The following TRPC4 variants were observed in gnomAD, a reference collection of about 807,000 sequenced individuals.
The protein encoded by TRPC4 is short transient receptor potential channel 4.
A neutral mutation model predicts 99.4 loss-of-function variants in TRPC4; 49 were observed. The ratio of observed to expected loss-of-function variants is 0.49; its 90% CI spans 0.39 to 0.63. The LOEUF is 0.63. TRPC4 is among the 20% of genes least tolerant of loss of function. The pLI is 0.00. For missense variants in TRPC4, 898 were observed against 1,152.9 expected, an observed-to-expected ratio of 0.78 and a Z score of 3.20; for synonymous variants, 454 against 425.9, an observed-to-expected ratio of 1.07 and a Z score of -0.81.
intron 1 of TRPC4, among the ~76,000 whole-genome samples, chr13:37,849,409 A>G (rs1958997738): frequency 6.6e-6 from 1 of 152,054 alleles, no homozygotes; most frequent in Non-Finnish European, 1.5e-5. Context: ...CATGCAATAA[A>G]CTCCTTCCCA....
At chr13:37,849,675 A>G (rs138426547) in intron 1 of TRPC4, among the ~76,000 whole-genome samples, 3 of 152,308 alleles carry the variant, frequency 2.0e-5, no homozygotes, top group African/African-American at 7.2e-5. Flanking sequence ...GGATTGTGGA[A>G]AACAAAAACA....
chr13:37,792,401 T>G (rs2139393277), intron 1 of TRPC4, among the ~76,000 whole-genome samples: 1 of 152,268 alleles, frequency 6.6e-6, no homozygotes, highest in East Asian at 1.9e-4. Context: ...AGGAATATAT[T>G]TAGATGTATA....
At chr13:37,745,419 T>C (rs1490134752) in intron 3 of TRPC4, among the ~76,000 whole-genome samples, 2 of 143,060 alleles carry the variant, frequency 1.4e-5, no homozygotes, top group Non-Finnish European at 1.5e-5. Flanking sequence ...AGGCTGATTA[T>C]TTATATATAT....
chr13:37,676,036 C>T (rs900827616), intron 4 of TRPC4, among the ~76,000 whole-genome samples: 20 of 152,248 alleles, frequency 1.3e-4, no homozygotes, highest in African/African-American at 4.8e-4. Context: ...CCAAACCCAA[C>T]TCAGCTCCTG....
chr13:37,850,035 T>A (rs1959014673), intron 1 of TRPC4, among the ~76,000 whole-genome samples: 1 of 152,226 alleles, frequency 6.6e-6, no homozygotes, highest in Non-Finnish European at 1.5e-5. Context: ...AATGATATCT[T>A]AAAATCATGT....
chr13:37,686,877 G>T (rs921557133), intron 4 of TRPC4, among the ~76,000 whole-genome samples: 3 of 152,044 alleles, frequency 2.0e-5, no homozygotes, highest in Non-Finnish European at 2.9e-5. Context: ...ATGTCACGTC[G>T]CTTCAGCAGC....
At chr13:37,819,611 G>T (rs923446198) in intron 1 of TRPC4, among the ~76,000 whole-genome samples, 2 of 151,920 alleles carry the variant, frequency 1.3e-5, no homozygotes, top group Admixed American at 1.3e-4. Flanking sequence ...ATAAGTGGGA[G>T]CCAAATGATA....
intron 1 of TRPC4, among the ~76,000 whole-genome samples, chr13:37,812,181 A>AAAAAAAAAAACAAAC (rs1566188830): frequency 2.7e-5 from 4 of 145,598 alleles, no homozygotes; most frequent in African/African-American, 1.0e-4. Context: ...TCTATCAAAA[A>AAAAAAAAAAACAAAC]AAAAAAAAAA....
intron 1 of TRPC4, among the ~76,000 whole-genome samples, chr13:37,839,373 C>T (rs972071784): frequency 3.9e-5 from 6 of 152,222 alleles, no homozygotes; most frequent in African/African-American, 7.2e-5. Context: ...TAGATACCAT[C>T]GTCAGAGTCA....
chr13:37,739,450 C>T (rs1257899680), intron 3 of TRPC4, among the ~76,000 whole-genome samples: 1 of 151,706 alleles, frequency 6.6e-6, no homozygotes, highest in Non-Finnish European at 1.5e-5. Context: ...TCTCTTTGCT[C>T]TCCTTCTCTA....
intron 8 of TRPC4, among the ~76,000 whole-genome samples, chr13:37,642,255 TTG>T (rs1951737727): frequency 6.6e-6 from 1 of 152,132 alleles, no homozygotes; most frequent in South Asian, 2.1e-4. Flanking sequence ...CGGCATGACA[TTG>T]AATTTTTGCT....
intron 3 of TRPC4, among the ~76,000 whole-genome samples, chr13:37,701,445 T>A (rs572356303): frequency 1.4e-4 from 22 of 152,256 alleles, no homozygotes; most frequent in African/African-American, 4.6e-4. Flanking sequence ...TCTCTCATTC[T>A]TTTTTTAAAC....
chr13:37,696,844 G>A (rs954927475), intron 3 of TRPC4, among the ~76,000 whole-genome samples: 14 of 151,676 alleles, frequency 9.2e-5, no homozygotes, highest in African/African-American at 2.2e-4. Context: ...TTATAATGTC[G>A]ATAGCAGGGT....
chr13:37,774,375 T>G (rs1163514580), intron 2 of TRPC4, among the ~76,000 whole-genome samples: 1 of 151,798 alleles, frequency 6.6e-6, no homozygotes, highest in Non-Finnish European at 1.5e-5. Context: ...CAATAGAGAC[T>G]TGGAACTTTG....
intron 2 of TRPC4, among the ~76,000 whole-genome samples, chr13:37,768,382 G>A (rs1248644782): frequency 6.6e-6 from 1 of 151,448 alleles, no homozygotes; most frequent in African/African-American, 2.4e-5. Context: ...CCATGTAGCA[G>A]GGCTTTCCAG....
chr13:37,675,288 G>A lies in TRPC4; in HGVS notation c.1235-921C>T, dbSNP rs546431291. On this transcript the variant is annotated intron_variant, in intron 4 of 10. Coordinates refer to ENST00000379705, the MANE Select transcript of TRPC4 (RefSeq NM_016179.4). The stretch of plus-strand genomic sequence containing the variant: ...TTTTCCAAGCATGCATCAGAGAGAC[G>A]AGAAATCAAGGAATCTAAACTTTAA... 1.4e-4 allele frequency among the ~76,000 whole-genome samples: 22 copies of A among 152,154 alleles called. No individual in the cohort carries two copies. In the South Asian group the frequency reaches 4.1e-3, roughly 29 times the overall value.
At chr13:37,833,990 C>A (rs1362483427) in intron 1 of TRPC4, among the ~76,000 whole-genome samples, 5 of 152,144 alleles carry the variant, frequency 3.3e-5, no homozygotes, top group African/African-American at 1.2e-4. Flanking sequence ...GCTAATAAAT[C>A]ATGATACCTT....
At chr13:37,660,100 G>A (rs1952378564) in intron 6 of TRPC4, among the ~76,000 whole-genome samples, 1 of 152,120 alleles carries the variant, frequency 6.6e-6, no homozygotes, top group Admixed American at 6.6e-5. Flanking sequence ...TTTCATAGGG[G>A]TACTGTTAAA....
chr13:37,828,865 A>G (rs1958327804), intron 1 of TRPC4, among the ~76,000 whole-genome samples: 1 of 152,196 alleles, frequency 6.6e-6, no homozygotes, highest in South Asian at 2.1e-4. Flanking sequence ...TGAGGATTGA[A>G]AAACTACCTA....
Sources: allele counts gnomAD v4.1 joint callset (sites outside exome capture counted in the v4.1 genomes callset), GRCh38; gene constraint gnomAD v4.1.1; transcripts MANE v1.5; gene names NCBI Gene and HGNC (gene_info 2026-07-23, HGNC 2026-07-21).